The following TBXAS1 variants were observed in gnomAD, a reference collection of about 807,000 sequenced individuals.
TBXAS1 encodes thromboxane A synthase 1, also known as thromboxane-A synthase.
Under a neutral mutation model 60.7 loss-of-function variants are expected in TBXAS1, and 48 were observed. The observed-to-expected ratio is 0.79, with a 90% CI of 0.63 to 1.01. The LOEUF is 1.01. Among genes scored for constraint, TBXAS1 ranks in the 50% least tolerant of loss-of-function variants. TBXAS1 has a pLI of 0.00. For synonymous variants in TBXAS1, 287 were observed against 269.7 expected (o/e 1.06, Z -0.63); for missense variants, 685 against 686.3 (o/e 1.00, Z 0.02).
At chr7:139,923,763 C>T (rs1269615793) in intron 4 of TBXAS1, among the ~76,000 whole-genome samples, 1 of 151,878 alleles carries the variant, frequency 6.6e-6, no homozygotes, top group African/African-American at 2.4e-5. Flanking sequence ...TTTTTCCACC[C>T]ATTAACCATC....
intron 9 of TBXAS1, among the ~76,000 whole-genome samples, chr7:139,977,197 G>A (rs1811626248): frequency 6.6e-6 from 1 of 152,144 alleles, no homozygotes; most frequent in Admixed American, 6.5e-5. Context: ...AGACACACCC[G>A]AGACTGGGCA....
intron 9 of TBXAS1, among the ~76,000 whole-genome samples, chr7:139,987,634 C>A (rs537387003): frequency 2.0e-5 from 3 of 152,116 alleles, no homozygotes; most frequent in Non-Finnish European, 4.4e-5. Flanking sequence ...TGTCAGGACC[C>A]CCGACCCTAA....
chr7:139,802,754 AG>A (rs1797752662), intron 4 of TBXAS1, among the ~76,000 whole-genome samples: 1 of 152,214 alleles, frequency 6.6e-6, no homozygotes, highest in Non-Finnish European at 1.5e-5. Context: ...ACTGCACTCC[AG>A]TCTGGGTGAC....
intron 4 of TBXAS1, among the ~76,000 whole-genome samples, chr7:139,809,032 G>A (rs1314835031): frequency 6.7e-6 from 1 of 149,500 alleles, no homozygotes; most frequent in Non-Finnish European, 1.5e-5. Flanking sequence ...AAGCTGACTA[G>A]AGCAGTTTTA....
At chr7:139,812,740 T>C (rs1798048934) in intron 4 of TBXAS1, among the ~76,000 whole-genome samples, 1 of 152,102 alleles carries the variant, frequency 6.6e-6, no homozygotes, top group Non-Finnish European at 1.5e-5. Context: ...CTGCGAGAAA[T>C]GAGCAGTCAC....
intron 12 of TBXAS1, among the ~76,000 whole-genome samples, chr7:140,018,542 T>C (rs758240922): frequency 1.3e-5 from 2 of 151,894 alleles, no homozygotes; most frequent in Non-Finnish European, 1.5e-5. Flanking sequence ...CCTCACCCAC[T>C]TTTCCAGCCC....
At chr7:139,813,471 A>C (rs549616030) in intron 4 of TBXAS1, among the ~76,000 whole-genome samples, 36 of 152,322 alleles carry the variant, frequency 2.4e-4, no homozygotes, top group African/African-American at 7.9e-4. Flanking sequence ...TTCCTGACAA[A>C]TGTTTCACAT....
upstream of TBXAS1, among the ~76,000 whole-genome samples, chr7:139,828,628 C>A (rs780599726): frequency 1.3e-4 from 20 of 152,196 alleles, no homozygotes; most frequent in Non-Finnish European, 2.1e-4. Context: ...CACTATGATC[C>A]CCTCCATCTC....
intron 3 of TBXAS1, among the ~76,000 whole-genome samples, chr7:139,900,105 G>A (rs1019467045): frequency 6.6e-6 from 1 of 152,176 alleles, no homozygotes; most frequent in East Asian, 1.9e-4. Flanking sequence ...AATCTCAAAG[G>A]TTTGAGAAGA....
chr7:139,913,283 T>A lies in TBXAS1; in HGVS notation c.333+1962T>A, dbSNP rs534293185. 19 of 617,292 alleles carry A rather than the reference T, an allele frequency of 3.1e-5. No individual in the cohort carries two copies. The African/African-American group carries it at 3.1e-4, about 10-fold the overall frequency. The allele number at this position is 617,292 out of a possible 1,614,324, so 38.2% of individuals were successfully genotyped here. A position where few individuals can be genotyped will look rare whatever the true frequency, so the allele number is the denominator to read the frequency against. On this transcript the variant is annotated intron_variant, in intron 4 of 12. Transcript: ENST00000448866. The stretch of plus-strand genomic sequence containing the variant: ...GGAAGCCGTCTGTCAAGAAACTGAT[T>A]CTGATTATTAAATGCAGCTGTAGCT...
At chr7:139,968,156 G>A (rs990283346) in intron 9 of TBXAS1, among the ~76,000 whole-genome samples, 4 of 152,152 alleles carry the variant, frequency 2.6e-5, no homozygotes, top group African/African-American at 7.2e-5. Context: ...TCACTATCGG[G>A]GATCTGCCTC....
chr7:139,960,037 G>C (rs945740437), intron 8 of TBXAS1, among the ~76,000 whole-genome samples: 5 of 152,186 alleles, frequency 3.3e-5, no homozygotes, highest in African/African-American at 1.2e-4. Flanking sequence ...ATCAGAACGA[G>C]CAGGGCCAGG....
At chr7:139,893,409 C>T (rs1044172034) in intron 3 of TBXAS1, among the ~76,000 whole-genome samples, 3 of 150,480 alleles carry the variant, frequency 2.0e-5, no homozygotes, top group Admixed American at 6.6e-5. Flanking sequence ...CTGGGCATAA[C>T]GTGTGGGCAA....
In TBXAS1 at chr7:140,013,597, C is replaced by T. The variant is rs1017233842; in HGVS notation, c.1227-2126C>T. Among the ~76,000 whole-genome samples, 6 of 152,176 alleles carry T rather than the reference C, an allele frequency of 3.9e-5. No homozygotes were observed. In the East Asian group the frequency reaches 7.7e-4, roughly 20 times the overall value. ...CTAGAACTCTCCCAGGAACCAGGAACGGCTCTCACTGGCAGGCCTCACGGA... is the reference window on the plus strand; with the variant it reads ...CTAGAACTCTCCCAGGAACCAGGAATGGCTCTCACTGGCAGGCCTCACGGA... On this transcript the variant is annotated intron_variant, in intron 10 of 12. Coordinates refer to ENST00000448866, the MANE Select transcript of TBXAS1 (RefSeq NM_001061.7). The surrounding 1 kb of genome is among the most constrained non-coding windows in gnomAD (Gnocchi z 4.2).
At chr7:139,848,591 T>C (rs2116630488) in intron 1 of TBXAS1, among the ~76,000 whole-genome samples, 1 of 152,312 alleles carries the variant, frequency 6.6e-6, no homozygotes, top group South Asian at 2.1e-4. Flanking sequence ...CTCCACATGT[T>C]TGTAATGGGA....
chr7:139,874,101 T>G (rs1584737171), intron 2 of TBXAS1, among the ~76,000 whole-genome samples: 1 of 152,196 alleles, frequency 6.6e-6, no homozygotes. Flanking sequence ...TCTGTCTTCC[T>G]AGCATTTTTA....
chr7:139,903,107 A>G (rs1804704565), intron 3 of TBXAS1, among the ~76,000 whole-genome samples: 1 of 150,560 alleles, frequency 6.6e-6, no homozygotes, highest in African/African-American at 2.5e-5. Context: ...ACTCTCCCCA[A>G]CCCCCAAGTC....
chr7:140,008,072 C>T (rs1011418560), intron 10 of TBXAS1, among the ~76,000 whole-genome samples: 4 of 152,152 alleles, frequency 2.6e-5, no homozygotes, highest in South Asian at 4.1e-4. Flanking sequence ...GTGATAAATT[C>T]CACTCAACAC....
chr7:139,785,626 C>T (rs978381638), intron 3 of TBXAS1, among the ~76,000 whole-genome samples: 9 of 152,190 alleles, frequency 5.9e-5, no homozygotes, highest in African/African-American at 1.2e-4. Flanking sequence ...GTCTCTCCCT[C>T]GTCTTTAATT....
Sources: gnomAD v4.1 joint callset for allele counts (sites outside exome capture counted in the v4.1 genomes callset) on GRCh38, gnomAD v4.1.1 for gene constraint, Gnocchi (gnomAD v3.1) non-coding constraint, MANE v1.5 for transcripts, NCBI Gene and HGNC (gene_info 2026-07-23, HGNC 2026-07-21) for gene names.